The following NATD1 variants were observed in gnomAD, a reference collection of about 807,000 sequenced individuals.
The protein encoded by NATD1 is N-acetyltransferase domain containing 1.
A neutral mutation model predicts 12.0 loss-of-function variants in NATD1; 9 were observed. The ratio of observed to expected loss-of-function variants is 0.75; its 90% CI spans 0.45 to 1.30. NATD1 has a LOEUF of 1.30. Among genes scored for constraint, NATD1 ranks in the 50% most tolerant of loss-of-function variants. The probability of loss-of-function intolerance (pLI) is 0.00; values close to 1 mark genes in which losing one functional copy is unlikely to be tolerated. For synonymous variants in NATD1, 71 were observed against 65.9 expected (o/e 1.08, Z -0.37); for missense variants, 148 against 148.5 (o/e 1.00, Z 0.02).
rs1349891942 is a variant in NATD1, at chr17:21,243,098, G to A, written c.*215C>T. ...GGTCTCTGCAGAGTGAGAGGTGCCG[G>A]GACTACCTGGCCTCCTTGCCGCCTC... On this transcript the variant is annotated 3_prime_UTR_variant, in exon 3 of 3. Transcript: ENST00000611551. 9.6e-6 allele frequency: 5 copies of A among 519,902 alleles called. No individual in the cohort carries two copies. Among genetic ancestry groups the A allele is most frequent in the Non-Finnish European group, 1.7e-5 (5 of 287,312 alleles). 32.2% of individuals were successfully genotyped at this position (519,902 alleles called of 1,614,324 possible). A position where few individuals can be genotyped will look rare whatever the true frequency, so the allele number is the denominator to read the frequency against.
In NATD1 at chr17:21,239,563, G is replaced by A. The variant is rs1357771455; in HGVS notation, c.*3750C>T. 6.6e-6 allele frequency: 1 copy of A among 152,274 alleles called. No homozygotes were observed. The highest frequency in any genetic ancestry group is 1.5e-5 in the Non-Finnish European group (1 of 68,074). 9.4% of individuals were successfully genotyped at this position (152,274 alleles called of 1,614,324 possible). A position where few individuals can be genotyped will look rare whatever the true frequency, so the allele number is the denominator to read the frequency against. On this transcript the variant is annotated 3_prime_UTR_variant, in exon 3 of 3. Coordinates refer to ENST00000611551, the MANE Select transcript of NATD1 (RefSeq NM_152914.3). ...CCAACACTTTGGGAGGCCGAGGTGG[G>A]CGGATCATTTGAGGTCAGGTGTTCA... is the stretch of plus-strand genomic sequence containing the variant.
chr17:21,253,312 G>T lies in NATD1; in HGVS notation c.-48C>A, dbSNP rs1192832502. On this transcript the variant is annotated 5_prime_UTR_variant, in exon 1 of 3. Transcript: ENST00000611551. ...GCGCCGGCGGGGGCCGGGGCGCGCGGGGAAAGGTCAGGCGCGCGGCGGGGC... is the reference window on the plus strand; with the variant it reads ...GCGCCGGCGGGGGCCGGGGCGCGCGTGGAAAGGTCAGGCGCGCGGCGGGGC... 1.2e-6 allele frequency: 1 copy of T among 865,042 alleles called. No homozygotes were observed. Among genetic ancestry groups the T allele is most frequent in the African/African-American group, 1.8e-5 (1 of 54,266 alleles). 53.6% of individuals were successfully genotyped at this position (865,042 alleles called of 1,614,324 possible).
Position 21,240,317 on chromosome 17 carries a change from AGGCTGTGCTGAG to A in NATD1, c.*2984_*2995del, listed in dbSNP as rs1282684769. The A allele has an allele frequency of 6.6e-5, 10 of 152,326 alleles. No homozygotes were observed. The highest frequency in any genetic ancestry group is 2.2e-4 in the African/African-American group (9 of 41,452). The allele number at this position is 152,326 out of a possible 1,614,324, so 9.4% of individuals were successfully genotyped here. On this transcript the variant is annotated 3_prime_UTR_variant, in exon 3 of 3. Transcript: ENST00000611551. ...CGCAGGGTCTCGCTCTCCACGCTGAAGGCTGTGCTGAGGGCTGAGCAAAAAGAGGCCAGACAC... is the reference window on the plus strand; with the variant it reads ...CGCAGGGTCTCGCTCTCCACGCTGAAGGCTGAGCAAAAAGAGGCCAGACAC...
rs770244462 is a variant in NATD1 at position 21,243,263 on chromosome 17, A to G, written c.*50T>C. On this transcript the variant is annotated 3_prime_UTR_variant, in exon 3 of 3. Transcript: ENST00000611551. ...CCTGAGAGCACGTGGGGCCAGGCAAAGGCCACGTGGAAGAGTCCGGCAGGG... is the reference window on the plus strand; with the variant it reads ...CCTGAGAGCACGTGGGGCCAGGCAAGGGCCACGTGGAAGAGTCCGGCAGGG... 2 of 1,498,844 alleles carry G rather than the reference A, an allele frequency of 1.3e-6. No individual in the cohort carries two copies. Among genetic ancestry groups the G allele is most frequent in the African/African-American group, 1.4e-5 (1 of 72,288 alleles). The allele number at this position is 1,498,844 out of a possible 1,614,324, so 92.8% of individuals were successfully genotyped here.
Position 21,240,971 on chromosome 17 carries a change from G to A in NATD1, c.*2342C>T, listed in dbSNP as rs1975266023. 1 of 152,854 alleles carries A rather than the reference G, an allele frequency of 6.5e-6. No homozygotes were observed. Among genetic ancestry groups the A allele is most frequent in the East Asian group, 1.9e-4 (1 of 5,176 alleles). The allele number at this position is 152,854 out of a possible 1,614,324, so 9.5% of individuals were successfully genotyped here. A position where few individuals can be genotyped will look rare whatever the true frequency, so the allele number is the denominator to read the frequency against. ...GCTTTAAGGCAGCCCGAGGCGAGGA[G>A]GCCAGGTCATACCTGCGGGAGCTTG... On this transcript the variant is annotated 3_prime_UTR_variant, in exon 3 of 3. Transcript: ENST00000611551.
chr17:21,243,845 G>C (rs1438189770), intron 2 of NATD1, among the ~76,000 whole-genome samples: 3 of 152,186 alleles, frequency 2.0e-5, no homozygotes, highest in African/African-American at 7.2e-5. Flanking sequence ...GGGATGCCCT[G>C]AGGATGAAGG....
rs1387963289 is a variant in NATD1 at position 21,244,767 on chromosome 17, A to C, written c.107-543T>G. Among the ~76,000 whole-genome samples, 8 of 152,258 alleles carry C rather than the reference A, an allele frequency of 5.3e-5. No individual in the cohort carries two copies. Among genetic ancestry groups the C allele is most frequent in the Non-Finnish European group, 1.5e-5 (1 of 68,048 alleles). On this transcript the variant is annotated intron_variant, in intron 1 of 2. Coordinates refer to ENST00000611551, the MANE Select transcript of NATD1 (RefSeq NM_152914.3). The surrounding 1 kb of genome is among the most constrained non-coding windows in gnomAD (Gnocchi z 5.2). Reference sequence around the variant, plus strand: ...AGTTCATGAGAAACTGACGCTGGGCACAGGAGGCAGGAACAAACGGGTTTT... The same window carrying C: ...AGTTCATGAGAAACTGACGCTGGGCCCAGGAGGCAGGAACAAACGGGTTTT...
At chr17:21,247,762 AGG>A (rs1490834293) in intron 1 of NATD1, among the ~76,000 whole-genome samples, 2 of 152,190 alleles carry the variant, frequency 1.3e-5, no homozygotes, top group African/African-American at 2.4e-5. Flanking sequence ...AGCCCAGATA[AGG>A]GCCTATGGCC....
At position 21,243,099 on chromosome 17, in the gene NATD1, G is replaced by C. The variant is rs1975291852; in HGVS notation, c.*214C>G. 3.8e-6 allele frequency: 2 copies of C among 521,810 alleles called. No individual in the cohort carries two copies. The highest frequency in any genetic ancestry group is 6.9e-6 in the Non-Finnish European group (2 of 288,380). The allele number at this position is 521,810 out of a possible 1,614,324, so 32.3% of individuals were successfully genotyped here. On this transcript the variant is annotated 3_prime_UTR_variant, in exon 3 of 3. Transcript: ENST00000611551. ...GTCTCTGCAGAGTGAGAGGTGCCGG[G>C]ACTACCTGGCCTCCTTGCCGCCTCG...
chr17:21,243,258 G>A lies in NATD1; in HGVS notation c.*55C>T. On this transcript the variant is annotated 3_prime_UTR_variant, in exon 3 of 3. Transcript: ENST00000611551. Reference sequence around the variant, plus strand: ...AGGTTCCTGAGAGCACGTGGGGCCAGGCAAAGGCCACGTGGAAGAGTCCGG... The same window carrying A: ...AGGTTCCTGAGAGCACGTGGGGCCAAGCAAAGGCCACGTGGAAGAGTCCGG... 10 of 1,480,636 alleles carry A rather than the reference G, an allele frequency of 6.8e-6. No homozygotes were observed. Among genetic ancestry groups the A allele is most frequent in the Non-Finnish European group, 9.3e-6 (10 of 1,077,660 alleles). 91.7% of individuals were successfully genotyped at this position (1,480,636 alleles called of 1,614,324 possible). A position where few individuals can be genotyped will look rare whatever the true frequency, so the allele number is the denominator to read the frequency against.
intron 1 of NATD1, among the ~76,000 whole-genome samples, chr17:21,245,728 C>T (rs778320851): frequency 2.1e-4 from 32 of 152,180 alleles, no homozygotes; most frequent in Non-Finnish European, 4.1e-4. Context: ...CTGCACCCGC[C>T]ATCGCCTAGG....
intron 1 of NATD1, among the ~76,000 whole-genome samples, chr17:21,248,776 G>A (rs1975350200): frequency 6.6e-6 from 1 of 152,160 alleles, no homozygotes; most frequent in Non-Finnish European, 1.5e-5. Flanking sequence ...TTGTCACTTG[G>A]GAGCCACAGG....
At chr17:21,252,916 A>G (rs2144372906) in intron 1 of NATD1, among the ~76,000 whole-genome samples, 1 of 151,682 alleles carries the variant, frequency 6.6e-6, no homozygotes, top group Middle Eastern at 3.4e-3. Context: ...GCCCCCGCCC[A>G]GCCCGTTCCA....
intron 1 of NATD1, among the ~76,000 whole-genome samples, chr17:21,250,563 G>A (rs186450765): frequency 2.6e-5 from 4 of 152,126 alleles, no homozygotes; most frequent in African/African-American, 4.8e-5. Context: ...AAATACTTGC[G>A]GGGTGAATCA....
chr17:21,251,607 C>T lies in NATD1; in HGVS notation c.106+1552G>A, dbSNP rs146496228. ...AGCCTCAGTTTCCTCATCTGTAACA[C>T]GGGGTGGTATGTCACAACATTGTCA... On this transcript the variant is annotated intron_variant, in intron 1 of 2. Transcript: ENST00000611551. 1.2e-3 allele frequency among the ~76,000 whole-genome samples: 182 copies of T among 152,316 alleles called. 1 individual carries two copies. The highest frequency in any genetic ancestry group is 4.1e-3 in the African/African-American group (172 of 41,572).
rs1975310091 is a variant in NATD1 at position 21,244,663 on chromosome 17, G to A, written c.107-439C>T. On this transcript the variant is annotated intron_variant, in intron 1 of 2. Transcript: ENST00000611551. This position sits in a 1 kb window ranked among gnomAD's most constrained non-coding sequence, Gnocchi z 5.2. ...GGCAGAGCATGAAGAGATTAGAGAG[G>A]CAGCGCTGCGCCACGCATCAGGACC... 6.6e-6 allele frequency among the ~76,000 whole-genome samples: 1 copy of A among 152,186 alleles called. No homozygotes were observed. The highest frequency in any genetic ancestry group is 6.5e-5 in the Admixed American group (1 of 15,278).
chr17:21,250,183 G>C (rs1215888502), intron 1 of NATD1, among the ~76,000 whole-genome samples: 4 of 152,218 alleles, frequency 2.6e-5, no homozygotes, highest in Non-Finnish European at 2.9e-5. Flanking sequence ...TCCAGGCCCT[G>C]CACCACCTGC....
chr17:21,243,548 T>C (rs1385834884), intron 2 of NATD1, 119 bp from the exon 3 acceptor site: 11 of 711,618 alleles, frequency 1.5e-5, no homozygotes, highest in East Asian at 2.6e-5. Context: ...CCCAGGTCAG[T>C]AACTCCCTTG....
rs897926 is a variant in NATD1 at position 21,244,091 on chromosome 17, A to G, written c.225+15T>C. ...GTCCCCGTCCCCGCTTGGCCCTGCC[A>G]CCTGCCTGCCCTACCTTGGCAAGGT... is the stretch of plus-strand genomic sequence containing the variant. On this transcript the variant is annotated intron_variant, in intron 2 of 2. Transcript: ENST00000611551. This position sits in a 1 kb window ranked among gnomAD's most constrained non-coding sequence, Gnocchi z 5.2. The G allele has an allele frequency of 0.75, 1,206,662 of 1,601,406 alleles. 458,431 individuals are homozygous for G. Among genetic ancestry groups the G allele is most frequent in the Middle Eastern group, 0.79 (4,749 of 5,986 alleles).
Sources: allele counts gnomAD v4.1 joint callset (sites outside exome capture counted in the v4.1 genomes callset), GRCh38; gene constraint gnomAD v4.1.1; non-coding constraint Gnocchi (gnomAD v3.1); transcripts MANE v1.5; gene names NCBI Gene and HGNC (gene_info 2026-07-23, HGNC 2026-07-21).